The following RBFOX1 variants were observed in gnomAD, a reference collection of about 807,000 sequenced individuals.
RBFOX1 encodes RNA binding protein fox-1 homolog 1.
Under a neutral mutation model 57.7 loss-of-function variants are expected in RBFOX1, and 8 were observed. That is an observed-to-expected ratio of 0.14 (90% CI 0.08 to 0.25). The LOEUF is 0.25. Among genes scored for constraint, RBFOX1 ranks in the 10% least tolerant of loss-of-function variants. RBFOX1 has a pLI of 1.00. For missense variants in RBFOX1, 611 were observed against 548.5 expected, an observed-to-expected ratio of 1.11 and a Z score of -1.14; for synonymous variants, 326 against 222.4, an observed-to-expected ratio of 1.47 and a Z score of -4.15.
intron 4 of RBFOX1, among the ~76,000 whole-genome samples, chr16:7,094,811 G>T (rs1406530565): frequency 5.3e-5 from 8 of 150,902 alleles, no homozygotes; most frequent in African/African-American, 1.9e-4. Context: ...GAGAGATTGA[G>T]ACAGAGGGTA....
chr16:5,929,782 G>A (rs889222019), intron 4 of RBFOX1, among the ~76,000 whole-genome samples: 2 of 152,018 alleles, frequency 1.3e-5, no homozygotes, highest in African/African-American at 4.8e-5. Context: ...TGTGCCACAC[G>A]CTGGGATGGG....
At chr16:5,709,841 ATATTTTTTTTTTTTTTTTTTTT>A (rs1375853930) in intron 3 of RBFOX1, among the ~76,000 whole-genome samples, 4 of 5,700 alleles carry the variant, frequency 7.0e-4, no homozygotes, top group East Asian at 0.014. Flanking sequence ...ATATATATAT[ATATTTTTTTTTTTTTTTTTTTT>A]TTTTTTTTTT....
chr16:7,085,516 C>A (rs1358656895), intron 4 of RBFOX1, among the ~76,000 whole-genome samples: 1 of 152,118 alleles, frequency 6.6e-6, no homozygotes, highest in African/African-American at 2.4e-5. Flanking sequence ...ACCACTGCAT[C>A]CCGGGTGCCT....
intron 2 of RBFOX1, among the ~76,000 whole-genome samples, chr16:5,562,495 G>A (rs1474114996): frequency 7.0e-6 from 1 of 143,142 alleles, no homozygotes; most frequent in African/African-American, 2.5e-5. Context: ...GGGCCAGGAG[G>A]AGAAGAAGGG....
Position 6,772,146 on chromosome 16 carries a change from G to C in RBFOX1, c.-16+117496G>C, listed in dbSNP as rs547515453. 5.3e-5 allele frequency among the ~76,000 whole-genome samples: 8 copies of C among 152,224 alleles called. 1 individual carries two copies. The South Asian group carries it at 1.5e-3, about 28-fold the overall frequency. On this transcript the variant is annotated intron_variant, in intron 3 of 15. Transcript: ENST00000550418. ...TTAACTTCCCCCAAGTTTGTGGTCT[G>C]TTGGTGGTTCCGGTGTGGGCAAAGA...
intron 1 of RBFOX1, among the ~76,000 whole-genome samples, chr16:5,252,664 T>G (rs113384076): frequency 3.3e-5 from 5 of 152,272 alleles, no homozygotes; most frequent in African/African-American, 1.2e-4. Context: ...GGGGATGACT[T>G]CCCTGCCATC....
chr16:5,654,234 A>G (rs1459233684), intron 3 of RBFOX1, among the ~76,000 whole-genome samples: 3 of 152,152 alleles, frequency 2.0e-5, no homozygotes, highest in Non-Finnish European at 2.9e-5. Context: ...TGTTGTATAT[A>G]AAGTGCATCA....
chr16:7,544,775 AT>A (rs1440214844), intron 5 of RBFOX1, among the ~76,000 whole-genome samples: 3 of 151,890 alleles, frequency 2.0e-5, no homozygotes, highest in African/African-American at 7.3e-5. Context: ...CACATGAGAT[AT>A]TTTTTCTTGT....
At chr16:6,759,201 A>C (rs1421407503) in intron 3 of RBFOX1, among the ~76,000 whole-genome samples, 1 of 148,516 alleles carries the variant, frequency 6.7e-6, no homozygotes, top group Non-Finnish European at 1.5e-5. Flanking sequence ...CCCAGGCTGG[A>C]GTGCAGTGGC....
At chr16:6,004,841 C>T (rs11076998) in intron 4 of RBFOX1, among the ~76,000 whole-genome samples, 13,059 of 152,128 alleles carry the variant, frequency 0.086, 612 homozygotes, top group East Asian at 0.13. Context: ...TTCTGAGAAA[C>T]GTATTAGACC....
chr16:6,830,207 A>G (rs1392053261), intron 3 of RBFOX1, among the ~76,000 whole-genome samples: 1 of 152,196 alleles, frequency 6.6e-6, no homozygotes, highest in Non-Finnish European at 1.5e-5. Flanking sequence ...GTGAGCCACC[A>G]TGCCTGGCTG....
At chr16:7,657,359 C>A (rs2066565622) in intron 12 of RBFOX1, among the ~76,000 whole-genome samples, 1 of 152,210 alleles carries the variant, frequency 6.6e-6, no homozygotes, top group Non-Finnish European at 1.5e-5. Context: ...GGCTTGAGTG[C>A]AATGGCACGA....
chr16:5,723,883 A>G (rs1293147272), intron 3 of RBFOX1, among the ~76,000 whole-genome samples: 2 of 152,234 alleles, frequency 1.3e-5, no homozygotes, highest in African/African-American at 4.8e-5. Context: ...AGTCGCTTCT[A>G]CATGGGCATC....
chr16:6,702,294 C>T (rs1313556522), intron 3 of RBFOX1, among the ~76,000 whole-genome samples: 7 of 152,172 alleles, frequency 4.6e-5, no homozygotes, highest in Non-Finnish European at 7.3e-5. Flanking sequence ...TGGCTCATGC[C>T]TGTAAACCCA....
intron 4 of RBFOX1, among the ~76,000 whole-genome samples, chr16:7,352,466 C>T (rs763913102): frequency 3.3e-5 from 5 of 152,122 alleles, no homozygotes; most frequent in African/African-American, 1.2e-4. Context: ...CATCTGAAGA[C>T]GTGGGGTGGG....
At chr16:6,231,842 T>TGG (rs2097463596) in intron 1 of RBFOX1, among the ~76,000 whole-genome samples, 1 of 151,006 alleles carries the variant, frequency 6.6e-6, no homozygotes, top group Non-Finnish European at 1.5e-5. Context: ...TTTTTTTTTT[T>TGG]TTTTTTTTTT....
At chr16:6,478,019 C>G (rs756811856) in intron 2 of RBFOX1, among the ~76,000 whole-genome samples, 2 of 152,042 alleles carry the variant, frequency 1.3e-5, no homozygotes, top group Non-Finnish European at 1.5e-5. Context: ...AAGTCTTGAT[C>G]TGGATTAGGC....
chr16:7,215,581 G>A (rs949221858), intron 4 of RBFOX1, among the ~76,000 whole-genome samples: 7 of 152,112 alleles, frequency 4.6e-5, no homozygotes, highest in African/African-American at 1.7e-4. Flanking sequence ...TTACTGAGTT[G>A]TACAGCCATG....
chr16:5,369,497 A>G (rs2065806666), intron 1 of RBFOX1, among the ~76,000 whole-genome samples: 1 of 152,148 alleles, frequency 6.6e-6, no homozygotes, highest in Non-Finnish European at 1.5e-5. Flanking sequence ...GCATCACCTC[A>G]TTTAATGCTG....
Sources: gnomAD v4.1 joint callset for allele counts (sites outside exome capture counted in the v4.1 genomes callset) on GRCh38, gnomAD v4.1.1 for gene constraint, MANE v1.5 for transcripts, NCBI Gene and HGNC (gene_info 2026-07-23, HGNC 2026-07-21) for gene names.